The following PGC variants were observed in gnomAD, a reference collection of about 807,000 sequenced individuals.
PGC encodes the protein gastricsin.
PGC carries 31 observed loss-of-function variants against 45.9 expected under a neutral mutation model. The observed-to-expected ratio is 0.67, with a 90% CI of 0.51 to 0.91. PGC has a LOEUF of 0.91. Among genes scored for constraint, PGC ranks in the 40% least tolerant of loss-of-function variants. The probability of loss-of-function intolerance (pLI) is 0.00; values close to 1 mark genes in which losing one functional copy is unlikely to be tolerated. For synonymous variants in PGC, 192 were observed against 201.8 expected (o/e 0.95, Z 0.41); for missense variants, 477 against 493.2 (o/e 0.97, Z 0.31).
In PGC at chr6:41,741,187, G is replaced by T. The variant is rs564046642; in HGVS notation, c.648-577C>A. ...AGGATATTCCATGTTTGTTCCAGAG[G>T]CTTCTCTGGTAGCTGGAGTGTGGAG... On this transcript the variant is annotated intron_variant, in intron 5 of 8. Coordinates refer to ENST00000373025, the MANE Select transcript of PGC (RefSeq NM_002630.4). 2.0e-6 allele frequency: 3 copies of T among 1,531,264 alleles called. No homozygotes were observed. The East Asian group carries it at 7.4e-5, about 38-fold the overall frequency. The allele number at this position is 1,531,264 out of a possible 1,614,324, so 94.9% of individuals were successfully genotyped here.
chr6:41,742,676 A>G (rs1771853533), intron 4 of PGC, among the ~76,000 whole-genome samples, 187 bp from the exon 5 acceptor site: 1 of 152,102 alleles, frequency 6.6e-6, no homozygotes, highest in African/African-American at 2.4e-5. Context: ...CCAGGCTGGA[A>G]TGCAGTGGCG....
rs1771749416 is a variant in PGC at position 41,738,228 on chromosome 6, A to ATATATATACG, written c.916-401_916-400insCGTATATATA. Reference sequence around the variant, plus strand: ...CATATATATATGCATATATATATGCATATATATATGTATATATATATGCAT... The same window carrying ATATATATACG: ...CATATATATATGCATATATATATGCATATATATACGTATATATATGTATATATATATGCAT... On this transcript the variant is annotated intron_variant, in intron 7 of 8. Coordinates refer to ENST00000373025, the MANE Select transcript of PGC (RefSeq NM_002630.4). Among the ~76,000 whole-genome samples the ATATATATACG allele has an allele frequency of 9.5e-4, 20 of 20,966 alleles. 1 individual carries two copies. Among genetic ancestry groups the ATATATATACG allele is most frequent in the African/African-American group, 2.5e-3 (18 of 7,206 alleles). 13.8% of individuals were successfully genotyped at this position (20,966 alleles called of 152,430 possible). A position where few individuals can be genotyped will look rare whatever the true frequency, so the allele number is the denominator to read the frequency against.
rs559765473 is a variant in PGC, at chr6:41,741,648, AAAAACAAAAC to A, written c.647+632_647+641del. The A allele has an allele frequency of 3.5e-5, 23 of 655,286 alleles. No homozygotes were observed. The South Asian group carries it at 3.6e-4, about 10-fold the overall frequency. 40.6% of individuals were successfully genotyped at this position (655,286 alleles called of 1,614,324 possible). ...GTGACAGAGTGAGACCCCATCTCAAAAAAACAAAACAAAACAAAACAAAAGCAAGTTGCTG... is the reference window on the plus strand; with the variant it reads ...GTGACAGAGTGAGACCCCATCTCAAAAAAACAAAACAAAAGCAAGTTGCTG... On this transcript the variant is annotated intron_variant, in intron 5 of 8. Transcript: ENST00000373025.
rs534277841 is a variant in PGC, at chr6:41,744,882, T to C, written c.60-74A>G. 2.0e-5 allele frequency: 27 copies of C among 1,330,172 alleles called. No homozygotes were observed. The Middle Eastern group carries it at 7.4e-4, about 37-fold the overall frequency. The allele number at this position is 1,330,172 out of a possible 1,614,324, so 82.4% of individuals were successfully genotyped here. ...CCCACTCCTCTCTTTCTCTCTCTCC[T>C]TCTCTTAACTGCATGCTTCAACCTC... On this transcript the variant is annotated intron_variant, in intron 1 of 8. Transcript: ENST00000373025. The surrounding 1 kb of genome is among the most constrained non-coding windows in gnomAD (Gnocchi z 4.4).
At chr6:41,740,770 G>A in intron 5 of PGC, 160 bp from the exon 6 acceptor site, 12 of 1,441,650 alleles carry the variant, frequency 8.3e-6, no homozygotes, top group South Asian at 6.0e-5. Context: ...GCTCCCTGAG[G>A]ACAGGGCTGT....
chr6:41,741,278 C>T, intron 5 of PGC: 1 of 1,399,570 alleles, frequency 7.1e-7, no homozygotes, highest in Non-Finnish European at 9.4e-7. Context: ...AAGTTAGCAA[C>T]ATTAGTAACA....
Position 41,744,950 on chromosome 6 carries a change from T to G in PGC, c.60-142A>C. 1 of 734,406 alleles carries G rather than the reference T, an allele frequency of 1.4e-6. No homozygotes were observed. The highest frequency in any genetic ancestry group is 2.2e-6 in the Non-Finnish European group (1 of 447,176). The allele number at this position is 734,406 out of a possible 1,614,324, so 45.5% of individuals were successfully genotyped here. ...TCCCCCTTGTCTGTGTGTGTCTTTTTCTCTCTCTCAGCCTTTTGCTCTCTG... is the reference window on the plus strand; with the variant it reads ...TCCCCCTTGTCTGTGTGTGTCTTTTGCTCTCTCTCAGCCTTTTGCTCTCTG... On this transcript the variant is annotated intron_variant, in intron 1 of 8. Transcript: ENST00000373025. The surrounding 1 kb of genome is among the most constrained non-coding windows in gnomAD (Gnocchi z 4.4).
At position 41,744,434 on chromosome 6, in the gene PGC, C is replaced by A. The variant is rs145392110; in HGVS notation, c.291G>T (p.Leu97Phe). 6.3e-5 allele frequency: 101 copies of A among 1,613,114 alleles called. No homozygotes were observed. The highest frequency in any genetic ancestry group is 8.3e-5 in the Non-Finnish European group (98 of 1,179,932). The change falls in exon 3 of 9, where the codon TTG becomes TTT. Residue 97 changes from leucine to phenylalanine, a missense_variant. By Grantham distance (22) the Leu-to-Phe change is conservative. Transcript: ENST00000373025. This position sits in a 1 kb window ranked among gnomAD's most constrained non-coding sequence, Gnocchi z 4.4. The stretch of plus-strand genomic sequence containing the variant: ...TCTGGCAGTAGACAGAGGGCACCCA[C>A]AAGTTGGAGGAGCCGGTGTCAAAAA... ...LVLFDTGSSN[L>F]WVPSVYCQSQ...
At chr6:41,738,238 G>A (rs9471638) in intron 7 of PGC, among the ~76,000 whole-genome samples, 176 of 13,222 alleles carry the variant, frequency 0.013, 4 homozygotes, top group South Asian at 0.016. Flanking sequence ...ATATATATAT[G>A]TATATATATA....
rs768737525 is a variant in PGC at position 41,747,315 on chromosome 6, A to G, written c.20T>C (p.Val7Ala). ...CTCCAAGAGCTGGAGGCAGACCAAG[A>G]CCACCACCATCCACTTCATGATGCT... MKWMVV[V>A]LVCLQLLEAA... Residue 7 changes from valine to alanine, a missense_variant, in exon 1 of 9, where the codon GTC (valine) becomes GCC (alanine). By Grantham distance (64) the Val-to-Ala change is moderately conservative. Transcript: ENST00000373025. 3 of 1,613,826 alleles carry G rather than the reference A, an allele frequency of 1.9e-6. No individual in the cohort carries two copies. In the Admixed American group the frequency reaches 5.0e-5, roughly 27 times the overall value.
At chr6:41,740,911 C>G in intron 5 of PGC, 1 of 1,454,760 alleles carries the variant, frequency 6.9e-7, no homozygotes, top group Non-Finnish European at 9.0e-7. Context: ...TTGGGGCTCC[C>G]TGGGGACTGG....
chr6:41,742,528 C>T (rs767922011), intron 4 of PGC, 39 bp from the exon 5 acceptor site: 1 of 1,471,824 alleles, frequency 6.8e-7, no homozygotes, highest in Non-Finnish European at 9.5e-7. Flanking sequence ...ACCAGTCTGA[C>T]TCCACTCACC....
rs1291360969 is a variant in PGC, at chr6:41,738,123, CATATATATGCAT to C, written c.916-307_916-296del. Among the ~76,000 whole-genome samples the C allele has an allele frequency of 8.5e-3, 575 of 67,894 alleles. 73 individuals carry two copies. The highest frequency in any genetic ancestry group is 0.027 in the African/African-American group (540 of 19,956). 44.5% of individuals were successfully genotyped at this position (67,894 alleles called of 152,430 possible). On this transcript the variant is annotated intron_variant, in intron 7 of 8. Coordinates refer to ENST00000373025, the MANE Select transcript of PGC (RefSeq NM_002630.4). ...CTCTTTCTCTGCAAGTGCCTATATA[CATATATATGCAT>C]ATATATATGCATATATATATACATA...
At chr6:41,741,932 G>A in intron 5 of PGC, 9 of 1,041,176 alleles carry the variant, frequency 8.6e-6, no homozygotes, top group Non-Finnish European at 1.3e-5. Context: ...AAGGAAGTGA[G>A]CGAACTGCCC....
intron 3 of PGC, 66 bp from the exon 4 acceptor site, chr6:41,743,455 G>T: frequency 2.0e-6 from 2 of 982,318 alleles, no homozygotes; most frequent in East Asian, 2.4e-5. Flanking sequence ...TCTCAGGCCT[G>T]CCGGGTTCCC....
Position 41,742,686 on chromosome 6 carries a change from G to A in PGC, c.448-197C>T, listed in dbSNP as rs577744178. ...TGTCACCAGGCTGGAATGCAGTGGC[G>A]CAATCTCAGCTCACAGCAACCTCTG... is the stretch of plus-strand genomic sequence containing the variant. On this transcript the variant is annotated intron_variant, in intron 4 of 8. Transcript: ENST00000373025. 2.3e-4 allele frequency among the ~76,000 whole-genome samples: 35 copies of A among 152,310 alleles called. No individual in the cohort carries two copies. The East Asian group carries it at 5.6e-3, about 24-fold the overall frequency.
chr6:41,739,564 G>C (rs954304552), intron 7 of PGC, among the ~76,000 whole-genome samples: 7 of 152,046 alleles, frequency 4.6e-5, no homozygotes, highest in Non-Finnish European at 4.4e-5. Flanking sequence ...AACTACAGGC[G>C]CATGCCACCG....
In PGC at chr6:41,747,276, T is replaced by C. The variant is rs758908060; in HGVS notation, c.59A>G (p.Lys20Arg). 1.2e-6 allele frequency: 2 copies of C among 1,613,718 alleles called. No homozygotes were observed. The highest frequency in any genetic ancestry group is 1.1e-5 in the South Asian group (1 of 91,074). ...ACCAGCAGCCAGATCCCAGACTCAC[T>C]TGACCACTGCTGCCTCCAAGAGCTG... Reference protein sequence around the residue: ...CLQLLEAAVVKVPLKKFKSIR... With the variant: ...CLQLLEAAVVRVPLKKFKSIR... The change falls in exon 1 of 9, where the codon AAA becomes AGA. Residue 20 changes from lysine to arginine, a missense_variant and splice_region_variant. Physicochemically the swap from Lys to Arg is conservative, Grantham distance 26 (BLOSUM62 2). Transcript: ENST00000373025.
rs1491398770 is a variant in PGC at position 41,738,156 on chromosome 6, A to ATACATATATATATG, written c.916-329_916-328insCATATATATATGTA. On this transcript the variant is annotated intron_variant, in intron 7 of 8. Coordinates refer to ENST00000373025, the MANE Select transcript of PGC (RefSeq NM_002630.4). ...TGCATATATATATGCATATATATATACATATATATGCATATATATATACAT... is the reference window on the plus strand; with the variant it reads ...TGCATATATATATGCATATATATATATACATATATATATGCATATATATGCATATATATATACAT... 7.8e-5 allele frequency among the ~76,000 whole-genome samples: 2 copies of ATACATATATATATG among 25,510 alleles called. 1 individual carries two copies. Among genetic ancestry groups the ATACATATATATATG allele is most frequent in the South Asian group, 2.3e-3 (2 of 878 alleles). 16.7% of individuals were successfully genotyped at this position (25,510 alleles called of 152,430 possible).
Sources: gnomAD v4.1 joint callset for allele counts (sites outside exome capture counted in the v4.1 genomes callset) on GRCh38, gnomAD v4.1.1 for gene constraint, Gnocchi (gnomAD v3.1) non-coding constraint, MANE v1.5 for transcripts, NCBI Gene and HGNC (gene_info 2026-07-23, HGNC 2026-07-21) for gene names.